The following DOK5 variants were observed in gnomAD, a reference collection of about 807,000 sequenced individuals.
DOK5 encodes docking protein 5, also known as downstream of tyrosine kinase 5.
Under a neutral mutation model 43.3 loss-of-function variants are expected in DOK5, and 27 were observed. That is an observed-to-expected ratio of 0.62 (90% CI 0.46 to 0.86). The LOEUF is 0.86. Ranked by LOEUF, DOK5 falls within the 40% of genes least tolerant of loss-of-function variation. The pLI is 0.00. For synonymous variants in DOK5, 146 were observed against 140.1 expected (o/e 1.04, Z -0.30); for missense variants, 373 against 392.9 (o/e 0.95, Z 0.43).
chr20:54,522,522 CT>C (rs112690376), intron 1 of DOK5, among the ~76,000 whole-genome samples: 3,592 of 140,072 alleles, frequency 0.026, 104 homozygotes, highest in African/African-American at 0.081. Flanking sequence ...TTCTTTCTTT[CT>C]TTTTTTTTTT....
chr20:54,622,437 G>A (rs1186429610), intron 6 of DOK5, among the ~76,000 whole-genome samples: 1 of 152,122 alleles, frequency 6.6e-6, no homozygotes, highest in Non-Finnish European at 1.5e-5. Context: ...GCAACGTGCA[G>A]GGGTGTGTTT....
At chr20:54,631,569 C>T (rs1249488681) in intron 6 of DOK5, among the ~76,000 whole-genome samples, 1 of 152,084 alleles carries the variant, frequency 6.6e-6, no homozygotes, top group Non-Finnish European at 1.5e-5. Flanking sequence ...TTTTGTTTTT[C>T]TGGGTAATGG....
At chr20:54,603,424 A>G (rs546266102) in intron 5 of DOK5, among the ~76,000 whole-genome samples, 1 of 152,370 alleles carries the variant, frequency 6.6e-6, no homozygotes, top group African/African-American at 2.4e-5. Flanking sequence ...AGTCAACCAC[A>G]GAATGTCCTT....
chr20:54,612,750 A>G (rs1986689605), intron 6 of DOK5, among the ~76,000 whole-genome samples: 1 of 152,206 alleles, frequency 6.6e-6, no homozygotes, highest in South Asian at 2.1e-4. Context: ...GACTAATATA[A>G]CTAATTTAGG....
intron 1 of DOK5, among the ~76,000 whole-genome samples, chr20:54,538,450 T>C (rs1034265461): frequency 6.6e-6 from 1 of 152,106 alleles, no homozygotes; most frequent in African/African-American, 2.4e-5. Flanking sequence ...CCAGCAGATC[T>C]ACCTTAAAAA....
intron 6 of DOK5, among the ~76,000 whole-genome samples, chr20:54,624,524 A>G (rs1212295446): frequency 6.6e-6 from 1 of 152,204 alleles, no homozygotes; most frequent in Non-Finnish European, 1.5e-5. Context: ...GAGAAAAAGA[A>G]AAATCGAAGC....
At chr20:54,565,538 G>A (rs1985065134) in intron 2 of DOK5, among the ~76,000 whole-genome samples, 1 of 152,230 alleles carries the variant, frequency 6.6e-6, no homozygotes, top group Non-Finnish European at 1.5e-5. Flanking sequence ...GCTGAGGTGG[G>A]AGGATCACTT....
chr20:54,520,807 A>G (rs116144141), intron 1 of DOK5, among the ~76,000 whole-genome samples: 1,761 of 152,182 alleles, frequency 0.012, 40 homozygotes, highest in African/African-American at 0.04. Flanking sequence ...ACAAAAAACA[A>G]CAAAAAAACC....
At chr20:54,637,404 T>C (rs1978874715) in intron 6 of DOK5, among the ~76,000 whole-genome samples, 2 of 152,256 alleles carry the variant, frequency 1.3e-5, no homozygotes, top group Non-Finnish European at 2.9e-5. Flanking sequence ...CTTGTCTTTC[T>C]ACTCTTGTGG....
chr20:54,534,207 G>C (rs1157368597), intron 1 of DOK5, among the ~76,000 whole-genome samples: 1 of 152,116 alleles, frequency 6.6e-6, no homozygotes. Flanking sequence ...CTTTTTTTGA[G>C]ACAGGGTCTC....
chr20:54,637,541 C>T (rs1465847012), intron 6 of DOK5, among the ~76,000 whole-genome samples: 1 of 152,240 alleles, frequency 6.6e-6, no homozygotes, highest in Admixed American at 6.5e-5. Flanking sequence ...CCTGCTTCTG[C>T]TCATCACTTG....
intron 2 of DOK5, among the ~76,000 whole-genome samples, chr20:54,578,357 T>G (rs548048057): frequency 6.6e-6 from 1 of 152,316 alleles, no homozygotes; most frequent in Admixed American, 6.5e-5. Flanking sequence ...CGGTCTTCTT[T>G]GATAGCTACA....
chr20:54,635,879 A>AT (rs1429788310), intron 6 of DOK5, among the ~76,000 whole-genome samples: 1 of 152,166 alleles, frequency 6.6e-6, no homozygotes, highest in Non-Finnish European at 1.5e-5. Context: ...ATCTTAGTTT[A>AT]TTTTTACGGC....
At chr20:54,485,694 T>C (rs1443572972) in intron 1 of DOK5, among the ~76,000 whole-genome samples, 1 of 152,178 alleles carries the variant, frequency 6.6e-6, no homozygotes, top group Non-Finnish European at 1.5e-5. Flanking sequence ...AATTGCTGGG[T>C]TGTAGAGTAG....
chr20:54,596,720 A>C (rs1337190197), intron 5 of DOK5, among the ~76,000 whole-genome samples: 1 of 152,216 alleles, frequency 6.6e-6, no homozygotes, highest in Non-Finnish European at 1.5e-5. Flanking sequence ...ATAGTGCCTG[A>C]ATGTAGTAGG....
chr20:54,630,918 G>C (rs1276113999), intron 6 of DOK5, among the ~76,000 whole-genome samples: 1 of 152,124 alleles, frequency 6.6e-6, no homozygotes, highest in Non-Finnish European at 1.5e-5. Context: ...GTAGGTCCCA[G>C]GATGAAAATT....
intron 6 of DOK5, among the ~76,000 whole-genome samples, chr20:54,614,859 T>C (rs1263778894): frequency 6.6e-6 from 1 of 152,190 alleles, no homozygotes; most frequent in Non-Finnish European, 1.5e-5. Flanking sequence ...GGGGATACCA[T>C]GCTAAAATAA....
At position 54,475,749 on chromosome 20, in the gene DOK5, G is replaced by A. The variant is rs73274916; in HGVS notation, c.-198G>A. ...CTGCGCTCCCCGAAAGTGGCTGCAA[G>A]CCGGCCGCCCACTGTCAGGGTTGGG... On this transcript the variant is annotated 5_prime_UTR_variant, in exon 1 of 8. Transcript: ENST00000262593. This position sits in a 1 kb window ranked among gnomAD's most constrained non-coding sequence, Gnocchi z 4.2. The A allele has an allele frequency of 6.3e-3, 4,308 of 678,726 alleles. 171 individuals are homozygous for A. In the African/African-American group the frequency reaches 0.072, roughly 11 times the overall value. 42.0% of individuals were successfully genotyped at this position (678,726 alleles called of 1,614,324 possible). A position where few individuals can be genotyped will look rare whatever the true frequency, so the allele number is the denominator to read the frequency against.
At chr20:54,595,384 G>A (rs1986110456) in intron 5 of DOK5, among the ~76,000 whole-genome samples, 1 of 152,184 alleles carries the variant, frequency 6.6e-6, no homozygotes, top group African/African-American at 2.4e-5. Flanking sequence ...ATTGTGCACG[G>A]TAGGATAGAG....
Sources: gnomAD v4.1 joint callset for allele counts (sites outside exome capture counted in the v4.1 genomes callset) on GRCh38, gnomAD v4.1.1 for gene constraint, Gnocchi (gnomAD v3.1) non-coding constraint, MANE v1.5 for transcripts, NCBI Gene and HGNC (gene_info 2026-07-23, HGNC 2026-07-21) for gene names.